Variants in CTNNA3 observed in about 807,000 individuals in gnomAD.
CTNNA3 encodes the protein catenin alpha 3, also known as catenin alpha-3.
A neutral mutation model predicts 95.7 loss-of-function variants in CTNNA3; 76 were observed. The observed-to-expected ratio is 0.79, with a 90% CI of 0.66 to 0.96. The LOEUF is 0.96. Ranked by LOEUF, CTNNA3 falls within the 40% of genes least tolerant of loss-of-function variation. The probability of loss-of-function intolerance (pLI) is 0.00; values close to 1 mark genes in which losing one functional copy is unlikely to be tolerated. For synonymous variants in CTNNA3, 431 were observed against 374.4 expected (o/e 1.15, Z -1.74); for missense variants, 1,191 against 1,089.8 (o/e 1.09, Z -1.31).
At chr10:66,227,910 G>T (rs1357115673) in intron 13 of CTNNA3, among the ~76,000 whole-genome samples, 1 of 152,084 alleles carries the variant, frequency 6.6e-6, no homozygotes, top group Admixed American at 6.5e-5. Flanking sequence ...GAAGGTGGAT[G>T]TATCCAAAAA....
At chr10:66,200,968 A>G (rs1032729623) in intron 13 of CTNNA3, among the ~76,000 whole-genome samples, 1 of 152,086 alleles carries the variant, frequency 6.6e-6, no homozygotes, top group African/African-American at 2.4e-5. Context: ...ACACCATGAA[A>G]CCAGTGTTGC....
chr10:65,965,468 G>T (rs921414742), intron 17 of CTNNA3, among the ~76,000 whole-genome samples: 1 of 134,572 alleles, frequency 7.4e-6, no homozygotes, highest in Admixed American at 8.6e-5. Flanking sequence ...GCAGTGGCAC[G>T]ATCTCGGCTA....
chr10:67,318,438 G>A (rs1369201330), intron 5 of CTNNA3, among the ~76,000 whole-genome samples: 1 of 152,136 alleles, frequency 6.6e-6, no homozygotes, highest in Non-Finnish European at 1.5e-5. Flanking sequence ...GATGTTGGGG[G>A]CTCACAGAAT....
At chr10:67,328,324 G>A (rs1443663598) in intron 5 of CTNNA3, among the ~76,000 whole-genome samples, 2 of 152,194 alleles carry the variant, frequency 1.3e-5, no homozygotes, top group Admixed American at 6.5e-5. Flanking sequence ...CTGCAAGCAG[G>A]TGTAGCCAGG....
rs1335093436 is a variant in CTNNA3 at position 67,094,138 on chromosome 10, TGAG to T, written c.1047+86176_1047+86178del. On this transcript the variant is annotated intron_variant, in intron 7 of 17. Transcript: ENST00000433211. ...CAAACAATATATGTAATATTTTTCA[TGAG>T]GAAGACTTGCTCTGACAAAGAATAA... 2.0e-5 allele frequency among the ~76,000 whole-genome samples: 3 copies of T among 152,144 alleles called. No individual in the cohort carries two copies. In the East Asian group the frequency reaches 5.8e-4, roughly 29 times the overall value.
chr10:66,569,153 C>T (rs1454635470), intron 10 of CTNNA3, among the ~76,000 whole-genome samples: 1 of 152,024 alleles, frequency 6.6e-6, no homozygotes, highest in East Asian at 1.9e-4. Context: ...AGCCAGAGAA[C>T]AAAGGAGGCT....
intron 7 of CTNNA3, among the ~76,000 whole-genome samples, chr10:67,174,295 G>A (rs1416877201): frequency 1.3e-5 from 2 of 152,104 alleles, no homozygotes; most frequent in African/African-American, 2.4e-5. Flanking sequence ...AGAGAGATTA[G>A]TACATTAGAG....
intron 9 of CTNNA3, among the ~76,000 whole-genome samples, chr10:66,702,669 G>A (rs138578815): frequency 4.1e-4 from 59 of 144,230 alleles, no homozygotes; most frequent in African/African-American, 1.5e-3. Context: ...TCATGCCACC[G>A]GCACTCTAGC....
At chr10:66,689,938 G>T (rs1038765114) in intron 9 of CTNNA3, among the ~76,000 whole-genome samples, 3 of 152,152 alleles carry the variant, frequency 2.0e-5, no homozygotes, top group Non-Finnish European at 2.9e-5. Flanking sequence ...AAATGCTACA[G>T]ATCTGCTTTC....
At chr10:67,142,406 T>G (rs566879802) in intron 7 of CTNNA3, among the ~76,000 whole-genome samples, 2 of 152,270 alleles carry the variant, frequency 1.3e-5, no homozygotes, top group South Asian at 4.1e-4. Flanking sequence ...TCAACTTTTG[T>G]TTTTTCCTAT....
rs771503939 is a variant in CTNNA3, at chr10:65,920,590, C to T, written c.2428G>A (p.Ala810Thr). The stretch of plus-strand genomic sequence containing the variant: ...ACAGCATTCATTAAATTTTTGGCTG[C>T]TTGGATCAGGGATGTGACACTGTCC... ...ALDSVTSLIQ[A>T]AKNLMNAVVQ... Residue 810 changes from alanine to threonine, a missense_variant, in exon 18 of 18, where the codon GCA becomes ACA. Coordinates refer to ENST00000433211, the MANE Select transcript of CTNNA3 (RefSeq NM_013266.4). 1.5e-5 allele frequency: 25 copies of T among 1,613,886 alleles called. 1 individual carries two copies. The South Asian group carries it at 2.2e-4, about 14-fold the overall frequency.
At chr10:66,870,484 T>A (rs566112065) in intron 7 of CTNNA3, among the ~76,000 whole-genome samples, 2 of 152,330 alleles carry the variant, frequency 1.3e-5, no homozygotes, top group Admixed American at 1.3e-4. Flanking sequence ...ATTGCAAACA[T>A]ACTCACTTGT....
intron 9 of CTNNA3, among the ~76,000 whole-genome samples, chr10:66,657,661 A>T (rs916667762): frequency 6.6e-6 from 1 of 152,190 alleles, no homozygotes; most frequent in African/African-American, 2.4e-5. Flanking sequence ...AAACTACTGC[A>T]TGTCTGCTGC....
chr10:67,356,648 T>A (rs1274424306), intron 5 of CTNNA3, among the ~76,000 whole-genome samples: 1 of 151,770 alleles, frequency 6.6e-6, no homozygotes, highest in African/African-American at 2.4e-5. Flanking sequence ...TTACTTCCCA[T>A]TTTTCCAGCT....
At chr10:67,590,873 G>C (rs1387752306) in intron 3 of CTNNA3, among the ~76,000 whole-genome samples, 1 of 151,852 alleles carries the variant, frequency 6.6e-6, no homozygotes, top group Non-Finnish European at 1.5e-5. Context: ...TTTTGAAGTA[G>C]TAAGATTTGA....
intron 5 of CTNNA3, among the ~76,000 whole-genome samples, chr10:67,448,812 T>C (rs1020563118): frequency 2.2e-4 from 33 of 149,024 alleles, no homozygotes; most frequent in African/African-American, 2.4e-5. Context: ...CTATTTATTA[T>C]AGATATATAA....
chr10:67,042,191 T>C (rs1290896396), intron 7 of CTNNA3, among the ~76,000 whole-genome samples: 1 of 152,136 alleles, frequency 6.6e-6, no homozygotes, highest in African/African-American at 2.4e-5. Context: ...ACCTGGATGT[T>C]AGAGGGCTAA....
At chr10:66,674,772 C>T (rs78855958) in intron 9 of CTNNA3, among the ~76,000 whole-genome samples, 2,215 of 152,052 alleles carry the variant, frequency 0.015, 66 homozygotes, top group African/African-American at 0.046. Context: ...GTGGTTGATA[C>T]GGGCTCCCTC....
intron 5 of CTNNA3, among the ~76,000 whole-genome samples, chr10:67,437,224 G>A (rs893475429): frequency 6.6e-6 from 1 of 152,136 alleles, no homozygotes; most frequent in Non-Finnish European, 1.5e-5. Context: ...CTCAGGGATG[G>A]AAAACCAAAC....
Sources: gnomAD v4.1 joint callset for allele counts (sites outside exome capture counted in the v4.1 genomes callset) on GRCh38, gnomAD v4.1.1 for gene constraint, MANE v1.5 for transcripts, NCBI Gene and HGNC (gene_info 2026-07-23, HGNC 2026-07-21) for gene names.